AFG3L2: variants seen among roughly 807,000 people sequenced by gnomAD.
AFG3L2 encodes AFG3 like matrix AAA peptidase subunit 2.
In AFG3L2, 54 loss-of-function variants were observed where a neutral mutation model predicts 94.5. That is an observed-to-expected ratio of 0.57 (90% CI 0.46 to 0.72). AFG3L2 has a LOEUF of 0.72. AFG3L2 is among the 30% of genes least tolerant of loss of function. AFG3L2 has a pLI of 0.00. For missense variants in AFG3L2, 754 were observed against 994.9 expected (o/e 0.76, Z 3.26); for synonymous variants, 377 against 365.5 (o/e 1.03, Z -0.36).
chr18:12,337,545 A>G lies in AFG3L2; in HGVS notation c.1981-10T>C. 6.2e-7 allele frequency: 1 copy of G among 1,613,580 alleles called. No individual in the cohort carries two copies. The highest frequency in any genetic ancestry group is 8.5e-7 in the Non-Finnish European group (1 of 1,179,466). On this transcript the variant is annotated splice_polypyrimidine_tract_variant and intron_variant, in intron 15 of 16. Transcript: ENST00000269143. ...TGCCAAACTGAACAATCTGAAAAAT[A>G]CATAATTAGTGGTGATTACATATGA...
Position 12,329,602 on chromosome 18 carries a change from T to TC in AFG3L2, c.2356dup (p.Glu786GlyfsTer8). 1 of 1,614,172 alleles carries TC rather than the reference T, an allele frequency of 6.2e-7. No homozygotes were observed. Among genetic ancestry groups the TC allele is most frequent in the Non-Finnish European group, 8.5e-7 (1 of 1,180,036 alleles). On this transcript the variant is annotated frameshift_variant, in exon 17 of 17. Coordinates refer to ENST00000269143, the MANE Select transcript of AFG3L2 (RefSeq NM_006796.3). LOFTEE classifies it high-confidence loss of function. ...TTTCTCACCCGGGGGCTCCTCTTTC[T>TC]CCTTTTCCCGCTCCTTGTTCCAGTC...
chr18:12,356,916 T>C, intron 8 of AFG3L2, 85 bp from the exon 9 acceptor site: 1 of 1,356,370 alleles, frequency 7.4e-7, no homozygotes, highest in Non-Finnish European at 1.0e-6. Flanking sequence ...AAGATATAAC[T>C]CTGTCTCTAA....
chr18:12,338,239 A>G (rs1489272336), intron 15 of AFG3L2, among the ~76,000 whole-genome samples: 1 of 152,120 alleles, frequency 6.6e-6, no homozygotes, highest in African/African-American at 2.4e-5. Context: ...GCCCAGCCTG[A>G]TATTACTATC....
intron 1 of AFG3L2, among the ~76,000 whole-genome samples, chr18:12,373,481 A>C (rs1359538515): frequency 1.3e-5 from 2 of 152,158 alleles, no homozygotes; most frequent in Non-Finnish European, 2.9e-5. Flanking sequence ...TAACCAAACA[A>C]AAGCTCTGAG....
In AFG3L2 at chr18:12,329,622, C is replaced by T; in HGVS notation, c.2337G>A (p.Trp779Ter). ...CTTTCTCCTTTTCCCGCTCCTTGTT[C>T]CAGTCCTTAAGGCCTTCTGGAAGTG... is the stretch of plus-strand genomic sequence containing the variant. The part of the protein sequence containing the change: ...DTSLPEGLKD[W>*]NKEREKEKEE... Residue 779 changes from tryptophan (W) to a stop codon, truncating the protein, a stop_gained, in exon 17 of 17, where the codon TGG (tryptophan) becomes TGA (stop). Transcript: ENST00000269143. LOFTEE classifies it high-confidence loss of function. 6.2e-7 allele frequency: 1 copy of T among 1,614,192 alleles called. No individual in the cohort carries two copies. Among genetic ancestry groups the T allele is most frequent in the Non-Finnish European group, 8.5e-7 (1 of 1,180,040 alleles).
intron 16 of AFG3L2, among the ~76,000 whole-genome samples, chr18:12,333,650 C>T (rs148240050): frequency 1.3e-5 from 2 of 152,172 alleles, no homozygotes; most frequent in Non-Finnish European, 2.9e-5. Flanking sequence ...TAGACATGTG[C>T]CACAGTTCTT....
intron 9 of AFG3L2, among the ~76,000 whole-genome samples, chr18:12,353,990 C>T (rs756061056): frequency 2.0e-5 from 3 of 152,152 alleles, no homozygotes; most frequent in Admixed American, 6.5e-5. Context: ...CTGCCACCCA[C>T]CCCACCACAG....
At chr18:12,348,805 A>G (rs1371796189) in intron 12 of AFG3L2, among the ~76,000 whole-genome samples, 3 of 152,254 alleles carry the variant, frequency 2.0e-5, no homozygotes. Flanking sequence ...ATCACCTAGT[A>G]CATTCAGTGA....
At chr18:12,372,281 G>A (rs1212216518) in intron 1 of AFG3L2, among the ~76,000 whole-genome samples, 1 of 152,230 alleles carries the variant, frequency 6.6e-6, no homozygotes, top group Non-Finnish European at 1.5e-5. Flanking sequence ...TCCAGCCTGG[G>A]CGATGGAGTG....
At position 12,329,027 on chromosome 18, in the gene AFG3L2, T is replaced by A; in HGVS notation, c.*538A>T. On this transcript the variant is annotated 3_prime_UTR_variant, in exon 17 of 17. Coordinates refer to ENST00000269143, the MANE Select transcript of AFG3L2 (RefSeq NM_006796.3). ...CATAATACATTCATATTTTTAAGTA[T>A]GTTACAGCTCCTGTAGAAAACCATT... 3.1e-6 allele frequency: 2 copies of A among 645,056 alleles called. No individual in the cohort carries two copies. Among genetic ancestry groups the A allele is most frequent in the Non-Finnish European group, 5.6e-6 (2 of 358,774 alleles). 40.0% of individuals were successfully genotyped at this position (645,056 alleles called of 1,614,324 possible). A position where few individuals can be genotyped will look rare whatever the true frequency, so the allele number is the denominator to read the frequency against.
Position 12,358,957 on chromosome 18 carries a change from G to T in AFG3L2, c.753-14C>A. The T allele has an allele frequency of 6.2e-7, 1 of 1,605,632 alleles. No individual in the cohort carries two copies. The highest frequency in any genetic ancestry group is 2.2e-5 in the East Asian group (1 of 44,684). On this transcript the variant is annotated splice_polypyrimidine_tract_variant and intron_variant, in intron 7 of 16. Transcript: ENST00000269143. ...AGCAGAAAAGAGCTGGGGACACACA[G>T]CGCAACACGGGTTAGGACTGGCTGC...
In AFG3L2 at chr18:12,329,720, G is replaced by C. The variant is rs1270837132; in HGVS notation, c.2239C>G (p.Pro747Ala). ...DKNDMVELLG[P>A]RPFAEKSTYE... ...GTAGATTTTTCCGCAAATGGTCTGG[G>C]GCCCAAAAGTTCAACCATATCATTC... The change falls in exon 17 of 17, where the codon CCC becomes GCC. Residue 747 changes from proline to alanine, a missense_variant. By Grantham distance (27) the Pro-to-Ala change is conservative. Coordinates refer to ENST00000269143, the MANE Select transcript of AFG3L2 (RefSeq NM_006796.3). 2.5e-6 allele frequency: 4 copies of C among 1,613,968 alleles called. No homozygotes were observed. Among genetic ancestry groups the C allele is most frequent in the Non-Finnish European group, 3.4e-6 (4 of 1,180,030 alleles).
At chr18:12,332,659 T>A (rs1195009458) in intron 16 of AFG3L2, among the ~76,000 whole-genome samples, 1 of 141,716 alleles carries the variant, frequency 7.1e-6, no homozygotes, top group African/African-American at 2.6e-5. Flanking sequence ...AGATGTCATA[T>A]CATTTTATCC....
At chr18:12,335,479 T>C (rs905987076) in intron 16 of AFG3L2, among the ~76,000 whole-genome samples, 2 of 152,108 alleles carry the variant, frequency 1.3e-5, no homozygotes, top group African/African-American at 4.8e-5. Flanking sequence ...CTTTCCCCTT[T>C]AAATATTCAA....
At chr18:12,371,926 C>T (rs1909003568) in intron 1 of AFG3L2, among the ~76,000 whole-genome samples, 1 of 152,216 alleles carries the variant, frequency 6.6e-6, no homozygotes, top group Admixed American at 6.5e-5. Flanking sequence ...ATTTCAAAAT[C>T]AGACATAATG....
chr18:12,351,812 G>A (rs1305479509), intron 10 of AFG3L2, among the ~76,000 whole-genome samples: 3 of 152,190 alleles, frequency 2.0e-5, no homozygotes, highest in African/African-American at 7.2e-5. Flanking sequence ...CTCCCAAAGT[G>A]CTGGGATTAC....
intron 5 of AFG3L2, 80 bp downstream of exon 5, chr18:12,366,885 G>A: frequency 6.4e-7 from 1 of 1,565,266 alleles, no homozygotes; most frequent in Admixed American, 1.7e-5. Flanking sequence ...AGGTTAACCT[G>A]CTGACTGTCA....
intron 15 of AFG3L2, among the ~76,000 whole-genome samples, chr18:12,338,889 G>T (rs1021407886): frequency 1.3e-5 from 2 of 151,964 alleles, no homozygotes; most frequent in Non-Finnish European, 2.9e-5. Flanking sequence ...CTTCAATGAG[G>T]TGCTAGAGAA....
chr18:12,343,802 A>G (rs1908032666), intron 14 of AFG3L2: 1 of 405,534 alleles, frequency 2.5e-6, no homozygotes, highest in Non-Finnish European at 4.6e-6. Context: ...GTCTCATACC[A>G]CTGTAGTGTG....
Sources: allele counts gnomAD v4.1 joint callset (sites outside exome capture counted in the v4.1 genomes callset), GRCh38; gene constraint gnomAD v4.1.1; transcripts MANE v1.5; gene names NCBI Gene and HGNC (gene_info 2026-07-23, HGNC 2026-07-21).